Variants in PRSS23 observed in about 807,000 individuals in gnomAD.
PRSS23 encodes serine protease 23, also known as protease, serine 23.
In PRSS23, 25 loss-of-function variants were observed where a neutral mutation model predicts 34.7. The ratio of observed to expected loss-of-function variants is 0.72; its 90% CI spans 0.53 to 1.01. The LOEUF (loss-of-function observed/expected upper bound fraction) is 1.01. Among genes scored for constraint, PRSS23 ranks in the 50% least tolerant of loss-of-function variants. PRSS23 has a pLI of 0.00. For synonymous variants in PRSS23, 176 were observed against 186.6 expected (o/e 0.94, Z 0.46); for missense variants, 445 against 475.6 (o/e 0.94, Z 0.60).
At chr11:86,901,592 G>T (rs961725839) in intron 2 of PRSS23, among the ~76,000 whole-genome samples, 1 of 152,174 alleles carries the variant, frequency 6.6e-6, no homozygotes, top group Admixed American at 6.5e-5. Flanking sequence ...GGAAAAGAAG[G>T]TGCATTTATC....
intron 2 of PRSS23, among the ~76,000 whole-genome samples, chr11:86,853,502 A>G (rs1179523947): frequency 6.6e-6 from 1 of 151,808 alleles, no homozygotes; most frequent in Non-Finnish European, 1.5e-5. Flanking sequence ...TGATCCTCCC[A>G]CGTTGGCCTC....
chr11:86,905,722 G>A (rs774095900), intron 2 of PRSS23, among the ~76,000 whole-genome samples: 1 of 152,160 alleles, frequency 6.6e-6, no homozygotes, highest in Non-Finnish European at 1.5e-5. Flanking sequence ...TTGCTGTCAA[G>A]CTTAATAGAA....
At chr11:86,927,328 T>C (rs1949087923) in intron 2 of PRSS23, among the ~76,000 whole-genome samples, 1 of 152,164 alleles carries the variant, frequency 6.6e-6, no homozygotes, top group Admixed American at 6.5e-5. Flanking sequence ...CTAAAATTCA[T>C]ACCGAGGTCT....
exon 3 of PRSS23, chr11:86,951,973 G>GCA: frequency 6.2e-7 from 1 of 1,614,020 alleles, no homozygotes; most frequent in Non-Finnish European, 8.5e-7. Flanking sequence ...AAATATTATA[G>GCA]CACATACTGA....
intron 2 of PRSS23, among the ~76,000 whole-genome samples, chr11:86,831,000 T>C (rs533180787): frequency 7.9e-5 from 12 of 152,168 alleles, no homozygotes; most frequent in African/African-American, 1.2e-4. Context: ...CACAGGCGTG[T>C]ACACCCAGTG....
intron 2 of PRSS23, among the ~76,000 whole-genome samples, chr11:86,862,999 T>A (rs1948626303): frequency 6.6e-6 from 1 of 152,072 alleles, no homozygotes; most frequent in Non-Finnish European, 1.5e-5. Context: ...ATATTATTTG[T>A]AACATCCTAG....
At chr11:86,832,967 G>T in intron 2 of PRSS23, 1 of 383,700 alleles carries the variant, frequency 2.6e-6, no homozygotes, top group Non-Finnish European at 5.0e-6. Context: ...CATTTGTAAG[G>T]CAATCAAATT....
At chr11:86,856,715 A>G (rs1196249353) in intron 2 of PRSS23, among the ~76,000 whole-genome samples, 7 of 152,236 alleles carry the variant, frequency 4.6e-5, no homozygotes, top group Non-Finnish European at 8.8e-5. Context: ...CATTGTTTCC[A>G]TAAAGTCAAT....
intron 1 of PRSS23, among the ~76,000 whole-genome samples, chr11:86,803,103 C>T (rs1461881409): frequency 6.6e-6 from 1 of 152,206 alleles, no homozygotes; most frequent in East Asian, 1.9e-4. Context: ...CACGGAAACA[C>T]TTGGTTGGAA....
At chr11:86,832,609 G>T (rs1042479067) in intron 2 of PRSS23, 1 of 495,166 alleles carries the variant, frequency 2.0e-6, no homozygotes, top group South Asian at 1.5e-5. Flanking sequence ...TCAGCATGGG[G>T]GTGATCACCG....
intron 2 of PRSS23, among the ~76,000 whole-genome samples, chr11:86,856,115 A>G (rs540086937): frequency 6.6e-6 from 1 of 152,308 alleles, no homozygotes; most frequent in East Asian, 1.9e-4. Flanking sequence ...AACAGCAATC[A>G]ATGTGTGTAT....
chr11:86,800,419 T>C (rs1036584812), upstream of PRSS23: 3 of 978,264 alleles, frequency 3.1e-6, no homozygotes, highest in Middle Eastern at 5.3e-4. Context: ...GGGGGCACGG[T>C]TTATGTGCAG....
At chr11:86,848,625 A>C (rs982281215) in intron 2 of PRSS23, among the ~76,000 whole-genome samples, 1 of 152,164 alleles carries the variant, frequency 6.6e-6, no homozygotes, top group Non-Finnish European at 1.5e-5. Flanking sequence ...TGGAAGGCCA[A>C]CTTATTCTAA....
intron 2 of PRSS23, among the ~76,000 whole-genome samples, chr11:86,855,293 A>T (rs1948561345): frequency 6.6e-6 from 1 of 152,196 alleles, no homozygotes; most frequent in African/African-American, 2.4e-5. Context: ...GAAAGTTAGG[A>T]AGCTTCTTTC....
chr11:86,798,087 G>C (rs999529874), upstream of PRSS23, among the ~76,000 whole-genome samples: 13 of 152,190 alleles, frequency 8.5e-5, no homozygotes, highest in South Asian at 6.2e-4. Context: ...CTTGAGCATG[G>C]TTGATAAATC....
intron 2 of PRSS23, among the ~76,000 whole-genome samples, chr11:86,835,321 G>A (rs1948396156): frequency 6.6e-6 from 1 of 152,202 alleles, no homozygotes; most frequent in Non-Finnish European, 1.5e-5. Flanking sequence ...CCAACCTTTT[G>A]CCGCTACATC....
At chr11:86,942,712 T>C (rs1216815260) in intron 2 of PRSS23, among the ~76,000 whole-genome samples, 1 of 152,018 alleles carries the variant, frequency 6.6e-6, no homozygotes, top group Non-Finnish European at 1.5e-5. Flanking sequence ...AGCCTAAAGA[T>C]GAAATGACTG....
chr11:86,832,005 G>A (rs978983266), intron 2 of PRSS23, among the ~76,000 whole-genome samples: 5 of 151,626 alleles, frequency 3.3e-5, no homozygotes, highest in African/African-American at 4.8e-5. Context: ...TCGAGATGGT[G>A]TAACTCCCGT....
intron 2 of PRSS23, among the ~76,000 whole-genome samples, chr11:86,900,782 T>TC (rs71895161): frequency 6.1e-3 from 37 of 6,032 alleles, no homozygotes; most frequent in Middle Eastern, 0.024. Flanking sequence ...TCTCTCTCTC[T>TC]TTTTTTTTTT....
Sources: gnomAD v4.1 joint callset for allele counts (sites outside exome capture counted in the v4.1 genomes callset) on GRCh38, gnomAD v4.1.1 for gene constraint, MANE v1.5 for transcripts, NCBI Gene and HGNC (gene_info 2026-07-23, HGNC 2026-07-21) for gene names.